BTC: variants seen among roughly 807,000 people sequenced by gnomAD.
The protein encoded by BTC is betacellulin.
BTC carries 13 observed loss-of-function variants against 18.1 expected under a neutral mutation model. That is an observed-to-expected ratio of 0.72 (90% CI 0.47 to 1.14). The LOEUF (loss-of-function observed/expected upper bound fraction) is 1.14. Among genes scored for constraint, BTC ranks in the 50% most tolerant of loss-of-function variants. The probability of loss-of-function intolerance (pLI) is 0.00; values close to 1 mark genes in which losing one functional copy is unlikely to be tolerated. For synonymous variants in BTC, 83 were observed against 79.4 expected, an observed-to-expected ratio of 1.05 and a Z score of -0.24; for missense variants, 247 against 224.2, an observed-to-expected ratio of 1.10 and a Z score of -0.65.
chr4:74,760,983 C>G (rs1553957262), intron 2 of BTC, among the ~76,000 whole-genome samples: 1 of 152,120 alleles, frequency 6.6e-6, no homozygotes, highest in African/African-American at 2.4e-5. Flanking sequence ...ATCCGCCTGC[C>G]TCAGCCTCCC....
At chr4:74,784,242 A>G (rs967577023) in intron 1 of BTC, among the ~76,000 whole-genome samples, 1 of 151,676 alleles carries the variant, frequency 6.6e-6, no homozygotes, top group Non-Finnish European at 1.5e-5. Flanking sequence ...GAAAAAAAAA[A>G]AAAAAAAGAA....
At position 74,745,949 on chromosome 4, in the gene BTC, G is replaced by A. The variant is rs552254567; in HGVS notation, c.*728C>T. 5 of 152,296 alleles carry A rather than the reference G, an allele frequency of 3.3e-5. No individual in the cohort carries two copies. In the East Asian group the frequency reaches 5.8e-4, roughly 18 times the overall value. 9.4% of individuals were successfully genotyped at this position (152,296 alleles called of 1,614,324 possible). ...ATAATAAAAGCCAATTCTATAGAAA[G>A]CATGATGGTAACAGCAATATAGGCC... On this transcript the variant is annotated 3_prime_UTR_variant, in exon 6 of 6. Coordinates refer to ENST00000395743, the MANE Select transcript of BTC (RefSeq NM_001729.4).
chr4:74,768,783 T>C (rs747270132), intron 2 of BTC, among the ~76,000 whole-genome samples: 38 of 152,172 alleles, frequency 2.5e-4, no homozygotes, highest in Non-Finnish European at 4.6e-4. Flanking sequence ...ACATTTAGGA[T>C]GATGATGAGG....
At chr4:74,761,200 G>T (rs140797102) in intron 2 of BTC, among the ~76,000 whole-genome samples, 11 of 152,070 alleles carry the variant, frequency 7.2e-5, no homozygotes, top group Non-Finnish European at 1.3e-4. Context: ...TTCATGGCTG[G>T]AGGCAAATGA....
At chr4:74,751,027 A>C (rs1195662088) in intron 3 of BTC, among the ~76,000 whole-genome samples, 4 of 152,150 alleles carry the variant, frequency 2.6e-5, no homozygotes, top group African/African-American at 7.2e-5. Flanking sequence ...AGGAGGATAA[A>C]ATTCCCAGTG....
In BTC at chr4:74,750,657, T is replaced by C; in HGVS notation, c.344A>G (p.Asp115Gly). 1 of 1,613,930 alleles carries C rather than the reference T, an allele frequency of 6.2e-7. No individual in the cohort carries two copies. The highest frequency in any genetic ancestry group is 8.5e-7 in the Non-Finnish European group (1 of 1,179,922). Residue 115 changes from aspartate (D) to glycine (G), a missense_variant, in exon 4 of 6, where the codon GAC becomes GGC. By Grantham distance (94) the Asp-to-Gly change is moderately conservative. Coordinates refer to ENST00000395743, the MANE Select transcript of BTC (RefSeq NM_001729.4). ...ACAAATCACCAGAATCTGTCCTCTG[T>C]CTCCTCTTAGGTAAAACAAGTCAAC... ...ERVDLFYLRG[D>G]RGQILVICLI...
chr4:74,769,930 G>A (rs781530226), intron 2 of BTC, 128 bp downstream of exon 2: 1 of 680,988 alleles, frequency 1.5e-6, no homozygotes, highest in Non-Finnish European at 2.4e-6. Context: ...ATTAATTACT[G>A]TATATAAAGC....
At chr4:74,774,473 A>G (rs1355953818) in intron 1 of BTC, among the ~76,000 whole-genome samples, 1 of 152,190 alleles carries the variant, frequency 6.6e-6, no homozygotes, top group African/African-American at 2.4e-5. Context: ...TGGTGCAAAG[A>G]TCTGCTATTT....
chr4:74,773,723 T>A (rs1725107871), intron 1 of BTC, among the ~76,000 whole-genome samples: 1 of 151,912 alleles, frequency 6.6e-6, no homozygotes, highest in African/African-American at 2.4e-5. Flanking sequence ...GCAATTCTCA[T>A]GCCTCAGCCA....
At chr4:74,775,585 G>A (rs560936214) in intron 1 of BTC, among the ~76,000 whole-genome samples, 28 of 152,270 alleles carry the variant, frequency 1.8e-4, no homozygotes, top group Non-Finnish European at 3.1e-4. Context: ...TAAAATTTCA[G>A]TACAGAAATT....
chr4:74,749,745 C>CAAA (rs71220725), intron 4 of BTC, among the ~76,000 whole-genome samples: 8,055 of 53,816 alleles, frequency 0.15, 555 homozygotes, highest in African/African-American at 0.17. Flanking sequence ...TCCTGCTCTG[C>CAAA]AAAAAAAAAA....
At chr4:74,769,728 C>T (rs1724990306) in intron 2 of BTC, among the ~76,000 whole-genome samples, 1 of 152,190 alleles carries the variant, frequency 6.6e-6, no homozygotes, top group African/African-American at 2.4e-5. Flanking sequence ...ATGCTAGAGT[C>T]TGGAGCATGC....
intron 4 of BTC, among the ~76,000 whole-genome samples, chr4:74,749,677 TA>T (rs1373655779): frequency 4.1e-4 from 40 of 97,574 alleles, no homozygotes; most frequent in Non-Finnish European, 6.1e-4. Context: ...TTTAATAAGA[TA>T]GTTTTTTTTG....
chr4:74,758,400 A>G (rs1724659471), intron 2 of BTC, among the ~76,000 whole-genome samples: 1 of 152,138 alleles, frequency 6.6e-6, no homozygotes, highest in Admixed American at 6.5e-5. Flanking sequence ...CTGGGCTCTT[A>G]GTGGGGGCAA....
chr4:74,782,613 C>A (rs1157593165), intron 1 of BTC, among the ~76,000 whole-genome samples: 1 of 151,440 alleles, frequency 6.6e-6, no homozygotes, highest in African/African-American at 2.4e-5. Flanking sequence ...TTGGTATATG[C>A]CCAGTAATGG....
intron 2 of BTC, among the ~76,000 whole-genome samples, chr4:74,764,547 A>G (rs996508132): frequency 1.3e-5 from 2 of 152,178 alleles, no homozygotes; most frequent in African/African-American, 2.4e-5. Flanking sequence ...AAAAAACCAC[A>G]TCTATTTGTA....
chr4:74,768,958 T>G (rs1031239652), intron 2 of BTC, among the ~76,000 whole-genome samples: 1 of 152,102 alleles, frequency 6.6e-6, no homozygotes, highest in Non-Finnish European at 1.5e-5. Flanking sequence ...GACCCAAACA[T>G]GACCTAAGAC....
chr4:74,753,121 G>GT lies in BTC; in HGVS notation c.282-2403dup, dbSNP rs1398154056. On this transcript the variant is annotated intron_variant, in intron 3 of 5. Transcript: ENST00000395743. ...AAGAGGCAAAGAGAGCAGATTCTAA[G>GT]TTTTTTTATTAAATGGTGACTAAGT... Among the ~76,000 whole-genome samples, 7 of 152,240 alleles carry GT rather than the reference G, an allele frequency of 4.6e-5. No individual in the cohort carries two copies. In the South Asian group the frequency reaches 1.2e-3, roughly 27 times the overall value.
chr4:74,754,155 T>C (rs1724536107), intron 3 of BTC, among the ~76,000 whole-genome samples: 1 of 152,210 alleles, frequency 6.6e-6, no homozygotes, highest in Non-Finnish European at 1.5e-5. Flanking sequence ...CTGCTTCCCA[T>C]TGACTGTGTA....
Sources: allele counts gnomAD v4.1 joint callset (sites outside exome capture counted in the v4.1 genomes callset), GRCh38; gene constraint gnomAD v4.1.1; transcripts MANE v1.5; gene names NCBI Gene and HGNC (gene_info 2026-07-23, HGNC 2026-07-21).